GRM7: variants seen among roughly 807,000 people sequenced by gnomAD.
The protein encoded by GRM7 is glutamate metabotropic receptor 7.
In GRM7, 35 loss-of-function variants were observed where a neutral mutation model predicts 84.5. That is an observed-to-expected ratio of 0.41 (90% CI 0.32 to 0.55). The LOEUF is 0.55. GRM7 is among the 20% of genes least tolerant of loss of function. The pLI is 0.19. For synonymous variants in GRM7, 487 were observed against 455.1 expected (o/e 1.07, Z -0.89); for missense variants, 1,003 against 1,194.6 (o/e 0.84, Z 2.36).
At chr3:7,672,691 G>A (rs1260027614) in intron 8 of GRM7, among the ~76,000 whole-genome samples, 5 of 143,922 alleles carry the variant, frequency 3.5e-5, no homozygotes, top group South Asian at 4.4e-4. Flanking sequence ...TGCAAGCTCC[G>A]CCTCCTGGGT....
intron 8 of GRM7, among the ~76,000 whole-genome samples, chr3:7,635,270 G>T (rs1698041814): frequency 6.6e-6 from 1 of 152,180 alleles, no homozygotes; most frequent in Non-Finnish European, 1.5e-5. Context: ...GAGAGTAGAT[G>T]GGACTTTGAA....
intron 1 of GRM7, among the ~76,000 whole-genome samples, chr3:6,873,553 T>C (rs1695201938): frequency 1.3e-5 from 2 of 152,346 alleles, no homozygotes; most frequent in South Asian, 2.1e-4. Context: ...TCCGTCTGCA[T>C]AGGCCTGTTT....
At position 7,619,596 on chromosome 3, in the gene GRM7, T is replaced by G. The variant is rs112771456; in HGVS notation, c.2451+40239T>G. On this transcript the variant is annotated intron_variant, in intron 8 of 9. Transcript: ENST00000357716. ...AGAGGGGACGGTCCTGCAAGGATAG[T>G]TGTTAACTGCCCTGTTTTCCTCATG... Among the ~76,000 whole-genome samples the G allele has an allele frequency of 2.1e-3, 322 of 152,208 alleles. 5 individuals are homozygous for G. The highest frequency in any genetic ancestry group is 7.4e-3 in the African/African-American group (307 of 41,542).
chr3:7,264,162 G>A (rs897366018), intron 2 of GRM7, among the ~76,000 whole-genome samples: 1 of 152,112 alleles, frequency 6.6e-6, no homozygotes, highest in African/African-American at 2.4e-5. Flanking sequence ...CCTGGAAAAG[G>A]CCAACATACC....
chr3:7,373,928 G>T (rs1694239628), intron 4 of GRM7, among the ~76,000 whole-genome samples: 1 of 152,148 alleles, frequency 6.6e-6, no homozygotes. Flanking sequence ...ATTTTAATTA[G>T]ATTTAAATAA....
chr3:7,253,616 TAAAAAA>T lies in GRM7; in HGVS notation c.737-45050_737-45045del, dbSNP rs138776034. Among the ~76,000 whole-genome samples, 402 of 121,188 alleles carry T rather than the reference TAAAAAA, an allele frequency of 3.3e-3. 3 individuals carry two copies. The highest frequency in any genetic ancestry group is 8.5e-3 in the South Asian group (29 of 3,428). 79.5% of individuals were successfully genotyped at this position (121,188 alleles called of 152,430 possible). A position where few individuals can be genotyped will look rare whatever the true frequency, so the allele number is the denominator to read the frequency against. On this transcript the variant is annotated intron_variant, in intron 2 of 9. Transcript: ENST00000357716. ...CAGGCAACAAGAGTGAAACTCCATC[TAAAAAA>T]AAAAAAAAAAAAAAAAATCACTAAA...
intron 5 of GRM7, among the ~76,000 whole-genome samples, chr3:7,421,236 G>A (rs1009659788): frequency 3.9e-5 from 6 of 152,104 alleles, no homozygotes; most frequent in African/African-American, 9.7e-5. Flanking sequence ...GAAGCATAGC[G>A]CCACCTATGT....
intron 1 of GRM7, among the ~76,000 whole-genome samples, chr3:6,886,445 G>T (rs1480831930): frequency 6.6e-6 from 1 of 152,080 alleles, no homozygotes; most frequent in African/African-American, 2.4e-5. Flanking sequence ...GTATACCTAT[G>T]TAACAAACTT....
At chr3:7,441,940 A>G (rs1697306041) in intron 5 of GRM7, among the ~76,000 whole-genome samples, 1 of 151,792 alleles carries the variant, frequency 6.6e-6, no homozygotes, top group Non-Finnish European at 1.5e-5. Flanking sequence ...CTTTTTGCTT[A>G]GGATTGCTTT....
At chr3:7,256,356 CTAAA>C (rs1698198091) in intron 2 of GRM7, among the ~76,000 whole-genome samples, 1 of 152,028 alleles carries the variant, frequency 6.6e-6, no homozygotes, top group Admixed American at 6.6e-5. Flanking sequence ...CATTTATTGA[CTAAA>C]TAAGTGAAAG....
chr3:7,264,172 C>A (rs1698546773), intron 2 of GRM7, among the ~76,000 whole-genome samples: 1 of 152,096 alleles, frequency 6.6e-6, no homozygotes, highest in African/African-American at 2.4e-5. Flanking sequence ...GCCAACATAC[C>A]GAGGGGTGTT....
At chr3:7,669,872 T>C (rs1171028154) in intron 8 of GRM7, among the ~76,000 whole-genome samples, 1 of 146,992 alleles carries the variant, frequency 6.8e-6, no homozygotes, top group Non-Finnish European at 1.5e-5. Flanking sequence ...CACTGTTCCA[T>C]TTAGAGGCAT....
chr3:7,705,159 T>C (rs989600620), intron 9 of GRM7, among the ~76,000 whole-genome samples: 1 of 152,142 alleles, frequency 6.6e-6, no homozygotes, highest in Non-Finnish European at 1.5e-5. Flanking sequence ...TGGCCAACTC[T>C]CCTACCCATG....
At chr3:7,009,980 C>T (rs1367760837) in intron 1 of GRM7, among the ~76,000 whole-genome samples, 1 of 152,166 alleles carries the variant, frequency 6.6e-6, no homozygotes, top group Non-Finnish European at 1.5e-5. Context: ...AACCTTTTCC[C>T]TAAACTTGGC....
At chr3:7,108,820 G>T (rs1288584871) in intron 1 of GRM7, among the ~76,000 whole-genome samples, 1 of 152,018 alleles carries the variant, frequency 6.6e-6, no homozygotes, top group East Asian at 1.9e-4. Flanking sequence ...GCAGAAGAAG[G>T]TTGCAGTCAT....
At chr3:7,559,352 C>A (rs1143739) in intron 7 of GRM7, 45,579 of 151,794 alleles carry the variant, frequency 0.3, 7,195 homozygotes, top group Middle Eastern at 0.42. Flanking sequence ...AGGTGTGTAC[C>A]CTATATTTAT....
intron 8 of GRM7, among the ~76,000 whole-genome samples, chr3:7,652,857 A>C (rs1699006980): frequency 6.6e-6 from 1 of 152,188 alleles, no homozygotes. Flanking sequence ...CCTTTCCATA[A>C]GGCAAGGACC....
At chr3:7,603,031 A>T (rs1696396216) in intron 8 of GRM7, among the ~76,000 whole-genome samples, 1 of 152,152 alleles carries the variant, frequency 6.6e-6, no homozygotes, top group South Asian at 2.1e-4. Context: ...GGTAAAGAAA[A>T]TCACAGGCCT....
chr3:7,619,890 TGA>T (rs1330090771), intron 8 of GRM7, among the ~76,000 whole-genome samples: 2 of 152,172 alleles, frequency 1.3e-5, no homozygotes, highest in East Asian at 3.9e-4. Context: ...GCATGATGAC[TGA>T]GAGAGCTCTT....
Sources: allele counts gnomAD v4.1 joint callset (sites outside exome capture counted in the v4.1 genomes callset), GRCh38; gene constraint gnomAD v4.1.1; transcripts MANE v1.5; gene names NCBI Gene and HGNC (gene_info 2026-07-23, HGNC 2026-07-21).